The following KATNAL1 variants were observed in gnomAD, a reference collection of about 807,000 sequenced individuals.
KATNAL1 encodes the protein katanin p60 ATPase-containing subunit A-like 1.
In KATNAL1, 32 loss-of-function variants were observed where a neutral mutation model predicts 55.2. That is an observed-to-expected ratio of 0.58 (90% CI 0.44 to 0.78). The LOEUF is 0.78. KATNAL1 is among the 30% of genes least tolerant of loss of function. The probability of loss-of-function intolerance (pLI) is 0.00; values close to 1 mark genes in which losing one functional copy is unlikely to be tolerated. For missense variants in KATNAL1, 466 were observed against 600.9 expected (o/e 0.78, Z 2.35); for synonymous variants, 193 against 193.6 (o/e 1.00, Z 0.02).
rs145778966 is a variant in KATNAL1 at position 30,273,662 on chromosome 13, T to C, written c.323+6401A>G. On this transcript the variant is annotated intron_variant, in intron 3 of 10. Transcript: ENST00000380615. ...ATCCCATACTTCAGAAACAGAATTTTAGAAGATAATATGACTCCAGAATTT... is the reference window on the plus strand; with the variant it reads ...ATCCCATACTTCAGAAACAGAATTTCAGAAGATAATATGACTCCAGAATTT... Among the ~76,000 whole-genome samples the C allele has an allele frequency of 4.3e-3, 651 of 152,346 alleles. 3 individuals are homozygous for C. Among genetic ancestry groups the C allele is most frequent in the African/African-American group, 0.015 (624 of 41,574 alleles).
At chr13:30,252,664 G>A (rs1210415059) in intron 4 of KATNAL1, among the ~76,000 whole-genome samples, 1 of 151,992 alleles carries the variant, frequency 6.6e-6, no homozygotes, top group Admixed American at 6.6e-5. Context: ...ACACAAAACT[G>A]ATCTTAAGAA....
chr13:30,206,921 T>C lies in KATNAL1; in HGVS notation c.*1619A>G, dbSNP rs1457420589. ...TTATGATCTGGCATCTTATAATCTG[T>C]GTCTCAGAAAGAAGGGCAATTTACA... On this transcript the variant is annotated 3_prime_UTR_variant, in exon 11 of 11. Coordinates refer to ENST00000380615, the MANE Select transcript of KATNAL1 (RefSeq NM_032116.5). The C allele has an allele frequency of 6.6e-6, 1 of 152,190 alleles. No homozygotes were observed. Among genetic ancestry groups the C allele is most frequent in the East Asian group, 1.9e-4 (1 of 5,198 alleles). The allele number at this position is 152,190 out of a possible 1,614,324, so 9.4% of individuals were successfully genotyped here.
intron 4 of KATNAL1, among the ~76,000 whole-genome samples, chr13:30,242,580 T>C (rs1008066036): frequency 5.3e-5 from 8 of 152,048 alleles, no homozygotes; most frequent in African/African-American, 9.7e-5. Flanking sequence ...GCCAGTATAA[T>C]AAAATGTATT....
At position 30,280,046 on chromosome 13, in the gene KATNAL1, T is replaced by C. The variant is rs1354685978; in HGVS notation, c.323+17A>G. The C allele has an allele frequency of 6.3e-7, 1 of 1,597,630 alleles. No individual in the cohort carries two copies. ...ATTAACTAGAAGCACCTAAAGAGAATATAAAGTCCTATTTACCTGTGTTCT... is the reference window on the plus strand; with the variant it reads ...ATTAACTAGAAGCACCTAAAGAGAACATAAAGTCCTATTTACCTGTGTTCT... On this transcript the variant is annotated intron_variant, in intron 3 of 10. Transcript: ENST00000380615.
chr13:30,291,032 G>C (rs890692813), intron 1 of KATNAL1, among the ~76,000 whole-genome samples: 22 of 152,152 alleles, frequency 1.4e-4, no homozygotes, highest in Non-Finnish European at 1.6e-4. Flanking sequence ...CCAAGATCAA[G>C]AACAAGACAA....
At chr13:30,226,098 AT>A (rs1397623513) in intron 9 of KATNAL1, among the ~76,000 whole-genome samples, 2 of 152,228 alleles carry the variant, frequency 1.3e-5, no homozygotes, top group Non-Finnish European at 2.9e-5. Flanking sequence ...ACTTACTAGA[AT>A]GACTGAAATT....
Position 30,231,379 on chromosome 13 carries a change from A to C in KATNAL1, c.820T>G (p.Ser274Ala). 1.2e-6 allele frequency: 2 copies of C among 1,610,178 alleles called. No individual in the cohort carries two copies. Among genetic ancestry groups the C allele is most frequent in the Non-Finnish European group, 1.7e-6 (2 of 1,178,170 alleles). ...CTGTATTTAGATGTCAGTGTAGAAGACGAAACGTTGAAGAATGTTGTACCA... is the reference window on the plus strand; with the variant it reads ...CTGTATTTAGATGTCAGTGTAGAAGCCGAAACGTTGAAGAATGTTGTACCA... Reference protein sequence around the residue: ...ECGTTFFNVSSSTLTSKYRGE... With the variant: ...ECGTTFFNVSASTLTSKYRGE... Residue 274 changes from serine to alanine, a missense_variant, in exon 7 of 11, where the codon TCT becomes GCT. Around this residue, in one of 3 missense-constraint regions of KATNAL1, gnomAD observed 213 missense variants for 308.6 expected, o/e 0.69. Transcript: ENST00000380615.
intron 6 of KATNAL1, 31 bp from the exon 7 acceptor site, chr13:30,231,503 T>C: frequency 7.0e-7 from 1 of 1,422,310 alleles, no homozygotes; most frequent in Non-Finnish European, 9.3e-7. Context: ...TTAAATGATT[T>C]ATCAGATTAA....
intron 4 of KATNAL1, among the ~76,000 whole-genome samples, chr13:30,251,390 C>T (rs1439084593): frequency 6.6e-6 from 1 of 152,070 alleles, no homozygotes; most frequent in African/African-American, 2.4e-5. Context: ...GTATCTAAGC[C>T]CCAATGTGAT....
intron 3 of KATNAL1, among the ~76,000 whole-genome samples, chr13:30,257,755 G>C (rs1168142030): frequency 6.6e-6 from 1 of 152,184 alleles, no homozygotes; most frequent in Non-Finnish European, 1.5e-5. Flanking sequence ...ATTCTGATGG[G>C]CTCCTAAATA....
intron 3 of KATNAL1, among the ~76,000 whole-genome samples, chr13:30,256,257 G>C (rs17074488): frequency 0.026 from 3,902 of 152,248 alleles, 177 homozygotes; most frequent in African/African-American, 0.09. Flanking sequence ...TAAAAATTTT[G>C]ATAAATACAT....
chr13:30,227,316 A>T, intron 9 of KATNAL1, 96 bp downstream of exon 9: 1 of 1,204,270 alleles, frequency 8.3e-7, no homozygotes. Flanking sequence ...GATGCTATAA[A>T]CTTCTTTAAG....
At chr13:30,244,919 C>T (rs188126614) in intron 4 of KATNAL1, among the ~76,000 whole-genome samples, 2 of 151,708 alleles carry the variant, frequency 1.3e-5, no homozygotes, top group South Asian at 2.1e-4. Flanking sequence ...AGCCTACCAA[C>T]CAAAAAAAAG....
chr13:30,221,558 C>T (rs1324768414), intron 9 of KATNAL1, among the ~76,000 whole-genome samples: 1 of 152,158 alleles, frequency 6.6e-6, no homozygotes, highest in Non-Finnish European at 1.5e-5. Context: ...CTGACAAAAA[C>T]TATAAAGTGG....
chr13:30,260,101 A>G (rs1401021048), intron 3 of KATNAL1, among the ~76,000 whole-genome samples: 1 of 152,222 alleles, frequency 6.6e-6, no homozygotes, highest in Admixed American at 6.5e-5. Context: ...GGTACCCCCC[A>G]GCAGGGGCAG....
At chr13:30,254,518 A>G (rs1878619595) in intron 4 of KATNAL1, among the ~76,000 whole-genome samples, 1 of 152,228 alleles carries the variant, frequency 6.6e-6, no homozygotes, top group Admixed American at 6.5e-5. Flanking sequence ...TGGTCTATGT[A>G]TTATGGCTAT....
chr13:30,248,723 G>A lies in KATNAL1; in HGVS notation c.492+6724C>T, dbSNP rs188936173. On this transcript the variant is annotated intron_variant, in intron 4 of 10. Coordinates refer to ENST00000380615, the MANE Select transcript of KATNAL1 (RefSeq NM_032116.5). ...GTGGATCACCTGAGGTCAGGAGTTC[G>A]AGACCAGCCTGGCCAACGTGGTGAA... Among the ~76,000 whole-genome samples, 3 of 151,968 alleles carry A rather than the reference G, an allele frequency of 2.0e-5. No homozygotes were observed. In the East Asian group the frequency reaches 5.8e-4, roughly 30 times the overall value.
At chr13:30,269,061 T>A (rs1451623527) in intron 3 of KATNAL1, among the ~76,000 whole-genome samples, 3 of 152,042 alleles carry the variant, frequency 2.0e-5, no homozygotes, top group South Asian at 2.1e-4. Flanking sequence ...CTGCTCCCTC[T>A]CCCTCTCCCC....
chr13:30,301,744 A>G (rs1341351526), intron 1 of KATNAL1, among the ~76,000 whole-genome samples: 1 of 152,236 alleles, frequency 6.6e-6, no homozygotes, highest in Non-Finnish European at 1.5e-5. Context: ...ACAGAAATAA[A>G]GATATTTTGT....
Sources: gnomAD v4.1 joint callset for allele counts (sites outside exome capture counted in the v4.1 genomes callset) on GRCh38, gnomAD v4.1.1 for gene constraint, gnomAD v4.1.1 regional missense constraint, MANE v1.5 for transcripts, NCBI Gene and HGNC (gene_info 2026-07-23, HGNC 2026-07-21) for gene names.